The following FCMR variants were observed in gnomAD, a reference collection of about 807,000 sequenced individuals.
The protein encoded by FCMR is immunoglobulin mu Fc receptor.
A neutral mutation model predicts 41.6 loss-of-function variants in FCMR; 34 were observed. The observed-to-expected ratio is 0.82, with a 90% CI of 0.62 to 1.09. The LOEUF (loss-of-function observed/expected upper bound fraction) is 1.09, where lower values mean the gene tolerates loss of function less well. Ranked by LOEUF, FCMR falls within the 50% of genes least tolerant of loss-of-function variation. The pLI is 0.00. For synonymous variants in FCMR, 209 were observed against 211.8 expected, an observed-to-expected ratio of 0.99 and a Z score of 0.12; for missense variants, 496 against 512.5, an observed-to-expected ratio of 0.97 and a Z score of 0.31.
intron 1 of FCMR, chr1:206,917,790 C>T (rs903269484): frequency 5.4e-5 from 24 of 446,162 alleles, no homozygotes; most frequent in Middle Eastern, 5.5e-4. Flanking sequence ...CCATGTGTGG[C>T]GAATTTTTTT....
At chr1:206,908,352 G>C (rs1186742698) in intron 7 of FCMR, 2 of 593,100 alleles carry the variant, frequency 3.4e-6, no homozygotes, top group East Asian at 2.9e-5. Context: ...CTGGGACATA[G>C]GAAGCTGGGA....
At position 206,906,863 on chromosome 1, in the gene FCMR, T is replaced by C. The variant is rs374091417; in HGVS notation, c.1045-1716A>G. Among the ~76,000 whole-genome samples, 98 of 151,972 alleles carry C rather than the reference T, an allele frequency of 6.4e-4. 2 individuals carry two copies. The South Asian group carries it at 0.019, about 30-fold the overall frequency. On this transcript the variant is annotated intron_variant, in intron 7 of 7. Coordinates refer to ENST00000367091, the MANE Select transcript of FCMR (RefSeq NM_005449.5). ...GTTGTCCCTCCTGGTTGCTGCACCATCCTCTGGAGTCAATGGTCAGTATTC... is the reference window on the plus strand; with the variant it reads ...GTTGTCCCTCCTGGTTGCTGCACCACCCTCTGGAGTCAATGGTCAGTATTC...
At chr1:206,916,002 T>C (rs183451181) in intron 1 of FCMR, among the ~76,000 whole-genome samples, 3 of 130,636 alleles carry the variant, frequency 2.3e-5, no homozygotes, top group African/African-American at 8.7e-5. Flanking sequence ...TTGGGGCAGG[T>C]GGGGAGATTT....
intron 1 of FCMR, among the ~76,000 whole-genome samples, chr1:206,916,928 C>T (rs1358518018): frequency 6.6e-6 from 1 of 152,138 alleles, no homozygotes. Context: ...ATAACATTTA[C>T]AAATGATTCT....
chr1:206,908,091 G>A, intron 7 of FCMR: 1 of 1,139,996 alleles, frequency 8.8e-7, no homozygotes. Flanking sequence ...CCCTGGAGGA[G>A]AAGTGGAAGG....
At chr1:206,905,172 C>A (rs1156304328) in intron 7 of FCMR, 25 bp from the exon 8 acceptor site, 4 of 1,613,580 alleles carry the variant, frequency 2.5e-6, no homozygotes, top group Admixed American at 1.7e-5. Flanking sequence ...AGAAGCATCA[C>A]TGGATCTGGG....
rs201056115 is a variant in FCMR, at chr1:206,921,808, C to G, written c.37+10G>C. Reference sequence around the variant, plus strand: ...TTCAGAGGTCTGAAGTGTTTCCCCACGGTACTTACCTGGCAGGAAGTAAAG... The same window carrying G: ...TTCAGAGGTCTGAAGTGTTTCCCCAGGGTACTTACCTGGCAGGAAGTAAAG... On this transcript the variant is annotated intron_variant, in intron 1 of 7. Coordinates refer to ENST00000367091, the MANE Select transcript of FCMR (RefSeq NM_005449.5). The G allele has an allele frequency of 6.6e-5, 107 of 1,613,486 alleles. No homozygotes were observed. Among genetic ancestry groups the G allele is most frequent in the Non-Finnish European group, 8.6e-5 (102 of 1,179,536 alleles).
At position 206,917,883 on chromosome 1, in the gene FCMR, G is replaced by A. The variant is rs1349182281; in HGVS notation, c.38-3789C>T. On this transcript the variant is annotated intron_variant, in intron 1 of 7. Transcript: ENST00000367091. ...TCCACCCACCTCAGCCTCCCAAAGT[G>A]TTGGGATTACAGGCATGAGTCTCCA... 7 of 447,914 alleles carry A rather than the reference G, an allele frequency of 1.6e-5. No individual in the cohort carries two copies. In the East Asian group the frequency reaches 4.9e-4, roughly 31 times the overall value. 27.7% of individuals were successfully genotyped at this position (447,914 alleles called of 1,614,324 possible). A position where few individuals can be genotyped will look rare whatever the true frequency, so the allele number is the denominator to read the frequency against.
chr1:206,911,577 CTAATGAGT>C (rs1678940340), intron 4 of FCMR, among the ~76,000 whole-genome samples, 145 bp downstream of exon 4: 1 of 152,180 alleles, frequency 6.6e-6, no homozygotes, highest in Admixed American at 6.5e-5. Context: ...GTTAAAGGAA[CTAATGAGT>C]TAATGAGCTA....
At chr1:206,910,147 G>C in intron 5 of FCMR, 63 bp downstream of exon 5, 1 of 1,451,150 alleles carries the variant, frequency 6.9e-7, no homozygotes, top group East Asian at 2.5e-5. Context: ...TTCAAAAGGG[G>C]GTTCTGAACG....
At chr1:206,921,156 T>C (rs1486305909) in intron 1 of FCMR, among the ~76,000 whole-genome samples, 1 of 152,228 alleles carries the variant, frequency 6.6e-6, no homozygotes, top group East Asian at 1.9e-4. Flanking sequence ...TACGGAATTT[T>C]CATTTAGGGT....
At chr1:206,922,086 T>C (rs1236614358), upstream of FCMR, 1 of 582,316 alleles carries the variant, frequency 1.7e-6, no homozygotes, top group Non-Finnish European at 3.1e-6. Flanking sequence ...AGAAAACATG[T>C]TGTGTGGAGT....
In FCMR at chr1:206,905,261, G is replaced by A. The variant is rs1010215270; in HGVS notation, c.1045-114C>T. On this transcript the variant is annotated intron_variant, in intron 7 of 7. Transcript: ENST00000367091. ...TGGACATGGCTGCTGAGTTCCAGAA[G>A]GCAAAGACACAGAGATGGCTCAGCT... 5 of 1,194,902 alleles carry A rather than the reference G, an allele frequency of 4.2e-6. No individual in the cohort carries two copies. The African/African-American group carries it at 4.5e-5, about 11-fold the overall frequency. The allele number at this position is 1,194,902 out of a possible 1,614,324, so 74.0% of individuals were successfully genotyped here. A position where few individuals can be genotyped will look rare whatever the true frequency, so the allele number is the denominator to read the frequency against.
chr1:206,912,195 T>C (rs746705949), intron 3 of FCMR, among the ~76,000 whole-genome samples: 19 of 152,160 alleles, frequency 1.2e-4, no homozygotes, highest in Non-Finnish European at 2.6e-4. Context: ...TAGAAGAGCT[T>C]GCCCCCTCTG....
intron 1 of FCMR, among the ~76,000 whole-genome samples, chr1:206,914,955 C>T (rs1402406514): frequency 2.0e-5 from 3 of 152,160 alleles, no homozygotes; most frequent in Non-Finnish European, 4.4e-5. Flanking sequence ...ACATAATATG[C>T]CTCAGGTGAC....
intron 1 of FCMR, among the ~76,000 whole-genome samples, chr1:206,918,715 G>C (rs1028441873): frequency 6.6e-6 from 1 of 151,050 alleles, no homozygotes; most frequent in African/African-American, 2.4e-5. Context: ...AGCATCAAAT[G>C]TATGTATGTA....
intron 5 of FCMR, 40 bp downstream of exon 5, chr1:206,910,170 T>C: frequency 1.3e-6 from 2 of 1,539,312 alleles, no homozygotes; most frequent in South Asian, 2.5e-5. Context: ...GTGGGCTCTT[T>C]GGGCAGCTCA....
chr1:206,909,716 G>T lies in FCMR; in HGVS notation c.985+9C>A. ...TCCGCTACTCCCCGTGGCCCGCCCG[G>T]CGGCTCACCTGCAGCGTCCGCTCCA... On this transcript the variant is annotated intron_variant, in intron 6 of 7. Transcript: ENST00000367091. The surrounding 1 kb of genome is among the most constrained non-coding windows in gnomAD (Gnocchi z 5.0). The T allele has an allele frequency of 7.0e-7, 1 of 1,424,876 alleles. No homozygotes were observed. The highest frequency in any genetic ancestry group is 9.1e-7 in the Non-Finnish European group (1 of 1,101,382). 88.3% of individuals were successfully genotyped at this position (1,424,876 alleles called of 1,614,324 possible). A position where few individuals can be genotyped will look rare whatever the true frequency, so the allele number is the denominator to read the frequency against.
rs1354749224 is a variant in FCMR at position 206,912,987 on chromosome 1, A to T, written c.429T>A (p.His143Gln). Residue 143 changes from histidine (H) to glutamine (Q), a missense_variant, in exon 3 of 8, where the codon CAT (histidine) becomes CAA (glutamine). By Grantham distance (24) the His-to-Gln change is conservative (BLOSUM62 0). Coordinates refer to ENST00000367091, the MANE Select transcript of FCMR (RefSeq NM_005449.5). ...QPMPETPKWF[H>Q]LPYLFQMPAY... ...CAGGCATCTGGAACAAATAGGGCAGATGAAACCATTTTGGAGTCTCAGGCA... is the reference window on the plus strand; with the variant it reads ...CAGGCATCTGGAACAAATAGGGCAGTTGAAACCATTTTGGAGTCTCAGGCA... 1 of 1,614,052 alleles carries T rather than the reference A, an allele frequency of 6.2e-7. No individual in the cohort carries two copies.
Sources: allele counts gnomAD v4.1 joint callset (sites outside exome capture counted in the v4.1 genomes callset), GRCh38; gene constraint gnomAD v4.1.1; non-coding constraint Gnocchi (gnomAD v3.1); transcripts MANE v1.5; gene names NCBI Gene and HGNC (gene_info 2026-07-23, HGNC 2026-07-21).